The following RPTOR variants were observed in gnomAD, a reference collection of about 807,000 sequenced individuals.
RPTOR encodes the protein regulatory associated protein of MTOR complex 1, also known as regulatory-associated protein of mTOR.
In RPTOR, 21 loss-of-function variants were observed where a neutral mutation model predicts 169.9. The observed-to-expected ratio is 0.12, with a 90% CI of 0.09 to 0.18. The LOEUF (loss-of-function observed/expected upper bound fraction) is 0.18. Ranked by LOEUF, RPTOR falls within the 10% of genes least tolerant of loss-of-function variation. The pLI is 1.00. For synonymous variants in RPTOR, 732 were observed against 753.2 expected (o/e 0.97, Z 0.46); for missense variants, 1,133 against 1,855.9 (o/e 0.61, Z 7.16).
chr17:80,832,693 C>T (rs566998900), intron 9 of RPTOR, among the ~76,000 whole-genome samples: 8 of 152,262 alleles, frequency 5.3e-5, no homozygotes, highest in African/African-American at 1.4e-4. Context: ...GGAGCATCAC[C>T]GGGGGCTCTG....
At chr17:80,836,944 T>C (rs2067570350) in intron 9 of RPTOR, among the ~76,000 whole-genome samples, 1 of 151,888 alleles carries the variant, frequency 6.6e-6, no homozygotes, top group South Asian at 2.1e-4. Flanking sequence ...CTATTTTAAA[T>C]AGCGTCTGGG....
chr17:80,784,871 G>T (rs1031128033), intron 6 of RPTOR, among the ~76,000 whole-genome samples: 3 of 151,750 alleles, frequency 2.0e-5, no homozygotes, highest in South Asian at 2.1e-4. Context: ...GCTAATGCTG[G>T]TTTTTTTTGT....
At chr17:80,689,718 A>G (rs1304872446) in intron 3 of RPTOR, among the ~76,000 whole-genome samples, 1 of 152,222 alleles carries the variant, frequency 6.6e-6, no homozygotes, top group Non-Finnish European at 1.5e-5. Context: ...ACATATCACT[A>G]TCAGTGTTTT....
chr17:80,762,024 G>A (rs145876056), intron 6 of RPTOR, among the ~76,000 whole-genome samples: 59 of 152,270 alleles, frequency 3.9e-4, no homozygotes, highest in Non-Finnish European at 6.9e-4. Context: ...CACAGTCCCC[G>A]CGGCAGCTTC....
At chr17:80,642,775 AC>A (rs981827235) in intron 2 of RPTOR, among the ~76,000 whole-genome samples, 6 of 152,262 alleles carry the variant, frequency 3.9e-5, no homozygotes, top group East Asian at 1.9e-4. Context: ...ATTTTAAGAT[AC>A]TCTTCTGTTT....
At chr17:80,928,462 A>G (rs777726668) in intron 24 of RPTOR, among the ~76,000 whole-genome samples, 4 of 152,274 alleles carry the variant, frequency 2.6e-5, no homozygotes, top group Non-Finnish European at 5.9e-5. Flanking sequence ...TTCAAGGTAT[A>G]TAAGAAACTA....
At chr17:80,571,620 A>G in intron 1 of RPTOR, among the ~76,000 whole-genome samples, 1 of 151,128 alleles carries the variant, frequency 6.6e-6, no homozygotes, top group Non-Finnish European at 1.5e-5. Flanking sequence ...TCCTGGGCTC[A>G]ATTGATCCTC....
At chr17:80,879,077 G>A (rs1034993394) in intron 13 of RPTOR, among the ~76,000 whole-genome samples, 5 of 152,028 alleles carry the variant, frequency 3.3e-5, no homozygotes, top group African/African-American at 9.7e-5. Flanking sequence ...TCTGCGTTTC[G>A]GCTGTGCGCG....
intron 7 of RPTOR, among the ~76,000 whole-genome samples, chr17:80,814,217 A>C (rs80046174): frequency 6.6e-6 from 1 of 152,256 alleles, no homozygotes; most frequent in Non-Finnish European, 1.5e-5. Context: ...CTTCTTATTT[A>C]AAAAAAGGGG....
At chr17:80,826,770 G>T (rs187535027) in intron 9 of RPTOR, among the ~76,000 whole-genome samples, 8 of 152,338 alleles carry the variant, frequency 5.3e-5, no homozygotes, top group South Asian at 2.1e-4. Context: ...GTGGGCCCCC[G>T]TGCCGTCACC....
At chr17:80,928,687 A>G (rs1244965657) in intron 24 of RPTOR, among the ~76,000 whole-genome samples, 5 of 152,340 alleles carry the variant, frequency 3.3e-5, no homozygotes, top group Admixed American at 3.3e-4. Context: ...CTTTCTTCCC[A>G]TGTTGGTTTA....
chr17:80,840,280 ACTCT>A (rs1339146304), intron 10 of RPTOR, among the ~76,000 whole-genome samples: 7 of 151,500 alleles, frequency 4.6e-5, no homozygotes, highest in African/African-American at 1.7e-4. Flanking sequence ...GAGTAAGCTC[ACTCT>A]CTCTGCACCG....
intron 24 of RPTOR, among the ~76,000 whole-genome samples, chr17:80,930,167 G>GCTCATCCTCAC (rs2068861280): frequency 3.1e-5 from 1 of 32,172 alleles, no homozygotes; most frequent in Non-Finnish European, 6.4e-5. Flanking sequence ...CTCATCCCCA[G>GCTCATCCTCAC]CTCATGCCCA....
chr17:80,641,498 TAAA>T (rs1173502660), intron 2 of RPTOR, among the ~76,000 whole-genome samples: 1 of 152,142 alleles, frequency 6.6e-6, no homozygotes, highest in East Asian at 1.9e-4. Context: ...TACATATAGC[TAAA>T]AAAATAATAA....
chr17:80,631,732 C>T (rs989593202), intron 2 of RPTOR, among the ~76,000 whole-genome samples: 5 of 152,200 alleles, frequency 3.3e-5, no homozygotes, highest in African/African-American at 1.2e-4. Flanking sequence ...TCAGCCTGGG[C>T]AGCATAGTAA....
At position 80,655,713 on chromosome 17, in the gene RPTOR, T is replaced by C. The variant is rs534632005; in HGVS notation, c.348+11903T>C. On this transcript the variant is annotated intron_variant, in intron 3 of 33. Coordinates refer to ENST00000306801, the MANE Select transcript of RPTOR (RefSeq NM_020761.3). Reference sequence around the variant, plus strand: ...CCTCAGCCTCAGGAGTATGTAGGACTACAGGTGTGAGCCACAGTGCCAGCT... The same window carrying C: ...CCTCAGCCTCAGGAGTATGTAGGACCACAGGTGTGAGCCACAGTGCCAGCT... 3.9e-5 allele frequency among the ~76,000 whole-genome samples: 6 copies of C among 152,260 alleles called. No homozygotes were observed. In the South Asian group the frequency reaches 1.0e-3, roughly 26 times the overall value.
intron 4 of RPTOR, among the ~76,000 whole-genome samples, chr17:80,717,143 G>A (rs1035788337): frequency 6.6e-6 from 1 of 152,146 alleles, no homozygotes; most frequent in African/African-American, 2.4e-5. Flanking sequence ...GCATTGAAAT[G>A]AGTGGATATT....
In RPTOR at chr17:80,579,233, GC is replaced by G. The variant is rs930048629; in HGVS notation, c.162+33445del. ...TTTGAGATGGAGTTTCGCTCTTGTT[GC>G]CCAGGCTGGAGTGCAATGGTGCGAT... On this transcript the variant is annotated intron_variant, in intron 1 of 33. Transcript: ENST00000306801. 5.3e-5 allele frequency among the ~76,000 whole-genome samples: 8 copies of G among 152,110 alleles called. No homozygotes were observed. In the South Asian group the frequency reaches 6.2e-4, roughly 12 times the overall value.
At chr17:80,641,532 T>C (rs1184546773) in intron 2 of RPTOR, among the ~76,000 whole-genome samples, 2 of 152,206 alleles carry the variant, frequency 1.3e-5, no homozygotes, top group African/African-American at 4.8e-5. Context: ...CCAAAAACTA[T>C]ACAGGTGGCT....
Sources: gnomAD v4.1 joint callset for allele counts (sites outside exome capture counted in the v4.1 genomes callset) on GRCh38, gnomAD v4.1.1 for gene constraint, MANE v1.5 for transcripts, NCBI Gene and HGNC (gene_info 2026-07-23, HGNC 2026-07-21) for gene names.